The following CSMD3 variants were observed in gnomAD, a reference collection of about 807,000 sequenced individuals.
The protein encoded by CSMD3 is CUB and sushi domain-containing protein 3.
In CSMD3, 177 loss-of-function variants were observed where a neutral mutation model predicts 435.2. The ratio of observed to expected loss-of-function variants is 0.41; its 90% confidence interval spans 0.36 to 0.46. CSMD3 has a LOEUF of 0.46. Ranked by LOEUF, CSMD3 falls within the 20% of genes least tolerant of loss-of-function variation. The probability of loss-of-function intolerance (pLI) is 0.34; values close to 1 mark genes in which losing one functional copy is unlikely to be tolerated. For synonymous variants in CSMD3, 1,656 were observed against 1,520.5 expected, an observed-to-expected ratio of 1.09 and a Z score of -2.07; for missense variants, 4,265 against 4,504.6, an observed-to-expected ratio of 0.95 and a Z score of 1.52.
chr8:112,304,191 C>A (rs1311892209), intron 52 of CSMD3, among the ~76,000 whole-genome samples: 1 of 152,086 alleles, frequency 6.6e-6, no homozygotes, highest in African/African-American at 2.4e-5. Flanking sequence ...AGTAACTCTA[C>A]ATGACAGGTG....
At chr8:113,314,171 T>A (rs2093891838) in intron 2 of CSMD3, 1 of 159,880 alleles carries the variant, frequency 6.3e-6, no homozygotes, top group Non-Finnish European at 1.4e-5. Flanking sequence ...GAATGCTGAC[T>A]TAAGGTGTTT....
In CSMD3 at chr8:113,371,961, A is replaced by T. The variant is rs188221556; in HGVS notation, c.179-57168T>A. 4.9e-3 allele frequency among the ~76,000 whole-genome samples: 738 copies of T among 152,124 alleles called. 11 individuals carry two copies. The highest frequency in any genetic ancestry group is 0.017 in the African/African-American group (706 of 41,502). On this transcript the variant is annotated intron_variant, in intron 1 of 70. Coordinates refer to ENST00000297405, the MANE Select transcript of CSMD3 (RefSeq NM_198123.2). ...AACAATATTATAGCAAGTAGAATTT[A>T]AAAAAAAGATTTTAGACTTACATGA...
At chr8:113,419,914 T>A (rs903433197) in intron 1 of CSMD3, among the ~76,000 whole-genome samples, 1 of 152,146 alleles carries the variant, frequency 6.6e-6, no homozygotes, top group African/African-American at 2.4e-5. Context: ...TTTAAATGGT[T>A]ATTGAAGTAA....
At chr8:113,261,799 T>C (rs922301252) in intron 3 of CSMD3, among the ~76,000 whole-genome samples, 5 of 152,106 alleles carry the variant, frequency 3.3e-5, no homozygotes, top group Admixed American at 6.6e-5. Flanking sequence ...CATTATAGTA[T>C]ACATGGGCAT....
intron 63 of CSMD3, among the ~76,000 whole-genome samples, 164 bp downstream of exon 63, chr8:112,254,089 A>G (rs912226803): frequency 6.6e-6 from 1 of 151,736 alleles, no homozygotes; most frequent in Non-Finnish European, 1.5e-5. Context: ...TTTTTTTTCT[A>G]ATTTCCTTTA....
Position 112,921,562 on chromosome 8 carries a change from AATTACAATG to A in CSMD3, c.1633+56_1633+64del. The A allele has an allele frequency of 2.3e-6, 3 of 1,296,070 alleles. No homozygotes were observed. In the South Asian group the frequency reaches 3.6e-5, roughly 15 times the overall value. 80.3% of individuals were successfully genotyped at this position (1,296,070 alleles called of 1,614,324 possible). A position where few individuals can be genotyped will look rare whatever the true frequency, so the allele number is the denominator to read the frequency against. ...CAATTCAAAGACTTAATTGCAACTT[AATTACAATG>A]AAATAAAGGTTAAACTATTAAAATG... On this transcript the variant is annotated intron_variant, in intron 10 of 70. Coordinates refer to ENST00000297405, the MANE Select transcript of CSMD3 (RefSeq NM_198123.2).
intron 13 of CSMD3, among the ~76,000 whole-genome samples, chr8:112,731,189 T>C (rs2077066321): frequency 6.8e-6 from 1 of 147,624 alleles, no homozygotes. Flanking sequence ...TTGCTGATAA[T>C]TTCATTTTAA....
chr8:113,335,207 C>A (rs2094062618), intron 1 of CSMD3, among the ~76,000 whole-genome samples: 1 of 152,196 alleles, frequency 6.6e-6, no homozygotes, highest in African/African-American at 2.4e-5. Flanking sequence ...TTCCTGAGGC[C>A]TCCCAGAAGC....
chr8:112,975,740 TC>T, intron 7 of CSMD3, 96 bp downstream of exon 7: 1 of 1,587,098 alleles, frequency 6.3e-7, no homozygotes, highest in South Asian at 1.1e-5. Context: ...GCTTTCTATA[TC>T]TTGGCTCTCT....
intron 13 of CSMD3, among the ~76,000 whole-genome samples, chr8:112,762,520 T>C (rs2077865678): frequency 1.3e-5 from 2 of 151,946 alleles, no homozygotes; most frequent in Non-Finnish European, 2.9e-5. Flanking sequence ...TCTGTTGTTT[T>C]ATATTTTCTT....
chr8:112,363,468 C>T (rs140801500), intron 38 of CSMD3, among the ~76,000 whole-genome samples: 52 of 151,988 alleles, frequency 3.4e-4, no homozygotes, highest in African/African-American at 1.2e-3. Flanking sequence ...CAAATTTAAG[C>T]ATCCTGAGTC....
chr8:113,324,146 C>A (rs2093967419), intron 1 of CSMD3, among the ~76,000 whole-genome samples: 1 of 152,050 alleles, frequency 6.6e-6, no homozygotes, highest in Non-Finnish European at 1.5e-5. Context: ...AAATTTGCAG[C>A]CTGACAATGT....
intron 10 of CSMD3, among the ~76,000 whole-genome samples, chr8:112,896,169 G>C (rs1415171660): frequency 1.3e-5 from 2 of 151,362 alleles, no homozygotes; most frequent in Non-Finnish European, 3.0e-5. Flanking sequence ...GTTTGCCTTT[G>C]AATCTAGCCA....
At chr8:113,040,331 T>C (rs917601831) in intron 5 of CSMD3, among the ~76,000 whole-genome samples, 2 of 152,184 alleles carry the variant, frequency 1.3e-5, no homozygotes, top group African/African-American at 4.8e-5. Context: ...CTTGTGATTA[T>C]AGTCTTCCAT....
Position 112,998,540 on chromosome 8 carries a change from T to G in CSMD3, c.1030+20527A>C, listed in dbSNP as rs76055317. 4.9e-3 allele frequency among the ~76,000 whole-genome samples: 738 copies of G among 152,076 alleles called. 5 individuals carry two copies. The highest frequency in any genetic ancestry group is 0.016 in the African/African-American group (646 of 41,500). ...TTCTTCTCTTCCCTCTTCACTAAAT[T>G]TATTGAAAAACACTCTCTCCACAAA... On this transcript the variant is annotated intron_variant, in intron 6 of 70. Transcript: ENST00000297405.
rs534096464 is a variant in CSMD3 at position 112,291,391 on chromosome 8, A to G, written c.8974+119T>C. ...AAAAGTATAATTTCAAAACAGTAAAACAATAAAATCAATATGCTTCTCTGT... is the reference window on the plus strand; with the variant it reads ...AAAAGTATAATTTCAAAACAGTAAAGCAATAAAATCAATATGCTTCTCTGT... On this transcript the variant is annotated intron_variant, in intron 56 of 70. Coordinates refer to ENST00000297405, the MANE Select transcript of CSMD3 (RefSeq NM_198123.2). The G allele has an allele frequency of 3.7e-5, 28 of 762,786 alleles. No homozygotes were observed. The East Asian group carries it at 5.7e-4, about 15-fold the overall frequency. 47.3% of individuals were successfully genotyped at this position (762,786 alleles called of 1,614,324 possible). A position where few individuals can be genotyped will look rare whatever the true frequency, so the allele number is the denominator to read the frequency against.
chr8:113,009,674 C>A (rs973630411), intron 6 of CSMD3, among the ~76,000 whole-genome samples: 4 of 151,648 alleles, frequency 2.6e-5, no homozygotes, highest in Non-Finnish European at 5.9e-5. Context: ...AGGATATTAT[C>A]CAATGAAATA....
intron 1 of CSMD3, among the ~76,000 whole-genome samples, chr8:113,333,856 TG>T (rs964203043): frequency 3.3e-5 from 5 of 151,930 alleles, no homozygotes; most frequent in African/African-American, 1.2e-4. Context: ...TAAGTAAATT[TG>T]GGGATAATTG....
At chr8:112,264,178 T>C (rs1816715146) in intron 60 of CSMD3, among the ~76,000 whole-genome samples, 1 of 152,084 alleles carries the variant, frequency 6.6e-6, no homozygotes. Flanking sequence ...AGACAAGACT[T>C]GGGTTGTTTA....
Sources: gnomAD v4.1 joint callset for allele counts (sites outside exome capture counted in the v4.1 genomes callset) on GRCh38, gnomAD v4.1.1 for gene constraint, MANE v1.5 for transcripts, NCBI Gene and HGNC (gene_info 2026-07-23, HGNC 2026-07-21) for gene names.